The following GRID2 variants were observed in gnomAD, a reference collection of about 807,000 sequenced individuals.
GRID2 encodes the protein glutamate ionotropic receptor delta type subunit 2, also known as glutamate receptor ionotropic, delta-2.
Under a neutral mutation model 114.8 loss-of-function variants are expected in GRID2, and 33 were observed. That is an observed-to-expected ratio of 0.29 (90% confidence interval 0.22 to 0.38). The LOEUF (loss-of-function observed/expected upper bound fraction) is 0.38. Ranked by LOEUF, GRID2 falls within the 10% of genes least tolerant of loss-of-function variation. The probability of loss-of-function intolerance (pLI) is 1.00; values close to 1 mark genes in which losing one functional copy is unlikely to be tolerated. For synonymous variants in GRID2, 505 were observed against 449.9 expected (o/e 1.12, Z -1.55); for missense variants, 1,184 against 1,257.7 (o/e 0.94, Z 0.89).
chr4:92,809,794 G>A (rs1740583480), intron 2 of GRID2, among the ~76,000 whole-genome samples: 1 of 151,964 alleles, frequency 6.6e-6, no homozygotes, highest in African/African-American at 2.4e-5. Flanking sequence ...CCAAACTCAT[G>A]CATTTTTCCA....
chr4:93,538,724 T>G (rs542517381), intron 13 of GRID2, among the ~76,000 whole-genome samples: 1 of 151,618 alleles, frequency 6.6e-6, no homozygotes, highest in South Asian at 2.1e-4. Flanking sequence ...AAACCAAAAT[T>G]AAGGGACATA....
chr4:93,335,484 T>C (rs556567825), intron 8 of GRID2, among the ~76,000 whole-genome samples: 90 of 152,282 alleles, frequency 5.9e-4, no homozygotes, highest in Non-Finnish European at 1.2e-3. Flanking sequence ...AACAACATGT[T>C]TTATATTGTC....
At chr4:93,689,446 T>C (rs561229537) in intron 14 of GRID2, among the ~76,000 whole-genome samples, 6 of 152,152 alleles carry the variant, frequency 3.9e-5, no homozygotes, top group African/African-American at 1.2e-4. Context: ...TAGTTTTGGA[T>C]AAATAAATCA....
Position 93,486,344 on chromosome 4 carries a change from A to AT in GRID2, c.1859-4287dup, listed in dbSNP as rs568446848. On this transcript the variant is annotated intron_variant, in intron 11 of 15. Coordinates refer to ENST00000282020, the MANE Select transcript of GRID2 (RefSeq NM_001510.4). ...TCCAATTCCTAAATACTTTTTTCTG[A>AT]TTTTTTTTCTTGGACTACAGAGTCT... Among the ~76,000 whole-genome samples, 22 of 151,040 alleles carry AT rather than the reference A, an allele frequency of 1.5e-4. No homozygotes were observed. In the South Asian group the frequency reaches 3.8e-3, roughly 26 times the overall value.
At chr4:93,669,129 C>T (rs1724189345) in intron 14 of GRID2, among the ~76,000 whole-genome samples, 1 of 151,986 alleles carries the variant, frequency 6.6e-6, no homozygotes, top group Admixed American at 6.6e-5. Flanking sequence ...ACTACCTTTC[C>T]ACTATCAGTA....
At chr4:93,511,176 A>G (rs946219156) in intron 12 of GRID2, among the ~76,000 whole-genome samples, 9 of 152,078 alleles carry the variant, frequency 5.9e-5, no homozygotes, top group Non-Finnish European at 1.2e-4. Context: ...ACCTCAAGTG[A>G]TCTGCCCACC....
At chr4:93,156,417 A>G (rs905711332) in intron 4 of GRID2, among the ~76,000 whole-genome samples, 1 of 151,724 alleles carries the variant, frequency 6.6e-6, no homozygotes, top group African/African-American at 2.4e-5. Context: ...TTGGAGGGGC[A>G]TAATAGTAGG....
chr4:93,064,043 C>T (rs932887771), intron 2 of GRID2, among the ~76,000 whole-genome samples: 26 of 115,080 alleles, frequency 2.3e-4, no homozygotes, highest in East Asian at 1.6e-3. Context: ...TAACATATTA[C>T]GCTGTTAATG....
intron 2 of GRID2, among the ~76,000 whole-genome samples, chr4:92,705,214 G>GA (rs542808077): frequency 7.2e-5 from 11 of 151,750 alleles, no homozygotes; most frequent in Non-Finnish European, 1.2e-4. Flanking sequence ...TAAACCAAAA[G>GA]AAAAAAATCC....
chr4:93,416,397 G>A (rs906744308), intron 9 of GRID2, among the ~76,000 whole-genome samples: 2 of 152,054 alleles, frequency 1.3e-5, no homozygotes, highest in Admixed American at 1.3e-4. Context: ...CCAGGAGTAT[G>A]TTTTAGGGAA....
At chr4:93,440,993 G>T (rs1460543529) in intron 10 of GRID2, among the ~76,000 whole-genome samples, 6 of 152,150 alleles carry the variant, frequency 3.9e-5, no homozygotes, top group African/African-American at 1.4e-4. Context: ...GATTTAAGGA[G>T]AACTTATAGA....
rs1217043797 is a variant in GRID2 at position 92,708,945 on chromosome 4, T to C, written c.244+118659T>C. Among the ~76,000 whole-genome samples, 3 of 151,956 alleles carry C rather than the reference T, an allele frequency of 2.0e-5. No individual in the cohort carries two copies. In the East Asian group the frequency reaches 5.8e-4, roughly 29 times the overall value. ...AATAAATAAATAAAGGGGGAAATAT[T>C]TTGTGTATCTGAATTGTGCCCTCCA... On this transcript the variant is annotated intron_variant, in intron 2 of 15. Coordinates refer to ENST00000282020, the MANE Select transcript of GRID2 (RefSeq NM_001510.4).
chr4:92,801,195 G>C (rs76925680), intron 2 of GRID2, among the ~76,000 whole-genome samples: 1 of 151,844 alleles, frequency 6.6e-6, no homozygotes, highest in African/African-American at 2.4e-5. Flanking sequence ...AACACACTAC[G>C]GGCTCTTCCA....
chr4:93,364,953 C>T (rs1226413009), intron 8 of GRID2, among the ~76,000 whole-genome samples: 1 of 152,124 alleles, frequency 6.6e-6, no homozygotes, highest in Non-Finnish European at 1.5e-5. Context: ...CTACTCCCAA[C>T]TGTTATTTTT....
intron 2 of GRID2, among the ~76,000 whole-genome samples, chr4:92,738,692 C>T (rs568071548): frequency 1.3e-5 from 2 of 152,178 alleles, no homozygotes; most frequent in East Asian, 3.9e-4. Context: ...CACTCTGTTG[C>T]TCATGCTGGA....
At chr4:93,226,278 A>C (rs1389784996) in intron 7 of GRID2, among the ~76,000 whole-genome samples, 1 of 152,166 alleles carries the variant, frequency 6.6e-6, no homozygotes, top group African/African-American at 2.4e-5. Flanking sequence ...GACTCACATG[A>C]TTCATCATGA....
At chr4:93,568,361 G>C (rs1323940478) in intron 13 of GRID2, among the ~76,000 whole-genome samples, 1 of 152,102 alleles carries the variant, frequency 6.6e-6, no homozygotes, top group Non-Finnish European at 1.5e-5. Context: ...CCCCTTCTAG[G>C]GATTCCTAAA....
At chr4:93,600,475 C>T (rs1008042426) in intron 13 of GRID2, among the ~76,000 whole-genome samples, 1 of 151,832 alleles carries the variant, frequency 6.6e-6, no homozygotes, top group African/African-American at 2.4e-5. Flanking sequence ...ACTTAATTAA[C>T]ATCATTAGCC....
At chr4:92,826,100 T>G (rs1044441335) in intron 2 of GRID2, among the ~76,000 whole-genome samples, 6 of 152,076 alleles carry the variant, frequency 3.9e-5, no homozygotes, top group African/African-American at 1.4e-4. Context: ...AATGCCAAAG[T>G]CCTTTTTCAG....
Sources: allele counts gnomAD v4.1 joint callset (sites outside exome capture counted in the v4.1 genomes callset), GRCh38; gene constraint gnomAD v4.1.1; transcripts MANE v1.5; gene names NCBI Gene and HGNC (gene_info 2026-07-23, HGNC 2026-07-21).